The following ATAD2B variants were observed in gnomAD, a reference collection of about 807,000 sequenced individuals.
ATAD2B encodes ATPase family AAA domain-containing protein 2B.
ATAD2B carries 40 observed loss-of-function variants against 167.6 expected under a neutral mutation model. The ratio of observed to expected loss-of-function variants is 0.24; its 90% CI spans 0.19 to 0.31. The LOEUF is 0.31. Among genes scored for constraint, ATAD2B ranks in the 10% least tolerant of loss-of-function variants. The pLI is 1.00. For synonymous variants in ATAD2B, 579 were observed against 596.5 expected, an observed-to-expected ratio of 0.97 and a Z score of 0.43; for missense variants, 1,242 against 1,757.2, an observed-to-expected ratio of 0.71 and a Z score of 5.24.
rs1676136584 is a variant in ATAD2B at position 23,757,875 on chromosome 2, T to G, written c.3621A>C (p.Glu1207Asp). 1.3e-6 allele frequency: 2 copies of G among 1,595,956 alleles called. No individual in the cohort carries two copies. The highest frequency in any genetic ancestry group is 3.6e-5 in the Admixed American group (2 of 55,282). ...CCAAGTCCATGATGTCACAGGATGA[T>G]TCATCATTGGTCATAGATAAGTCTC... is the stretch of plus-strand genomic sequence containing the variant. ...ETGDLSMTND[E>D]SSCDIMDLDQ... The change falls in exon 25 of 28, where the codon GAA (glutamate) becomes GAC (aspartate). Residue 1207 changes from glutamate (E) to aspartate (D), a missense_variant. This residue lies in a region of ATAD2B where 282 missense variants were observed against 346.8 expected (regional missense o/e 0.81). Coordinates refer to ENST00000238789, the MANE Select transcript of ATAD2B (RefSeq NM_017552.4).
At chr2:23,785,456 G>C (rs1437327592) in intron 21 of ATAD2B, among the ~76,000 whole-genome samples, 4 of 151,978 alleles carry the variant, frequency 2.6e-5, no homozygotes, top group African/African-American at 9.7e-5. Flanking sequence ...GCTCCCACAA[G>C]CACACAAAAT....
At chr2:23,834,444 G>T (rs759321848) in intron 13 of ATAD2B, among the ~76,000 whole-genome samples, 1 of 152,048 alleles carries the variant, frequency 6.6e-6, no homozygotes, top group Non-Finnish European at 1.5e-5. Context: ...TTACGGACGT[G>T]AGCCATGGTA....
At chr2:23,898,506 T>C (rs78708878) in intron 1 of ATAD2B, among the ~76,000 whole-genome samples, 1,649 of 152,344 alleles carry the variant, frequency 0.011, 16 homozygotes, top group Non-Finnish European at 0.018. Flanking sequence ...CACGTACTGA[T>C]TGATGTCATA....
intron 18 of ATAD2B, among the ~76,000 whole-genome samples, chr2:23,800,760 A>T (rs1049501471): frequency 1.5e-4 from 17 of 116,418 alleles, no homozygotes; most frequent in African/African-American, 5.0e-4. Flanking sequence ...TGATCCAATT[A>T]AAAAAAAAAT....
Position 23,895,963 on chromosome 2 carries a change from T to A in ATAD2B, c.224A>T (p.Glu75Val). Residue 75 changes from glutamate to valine, a missense_variant, in exon 2 of 28, where the codon GAA becomes GTA. Around this residue, in one of 9 missense-constraint regions of ATAD2B, gnomAD observed 199 missense variants for 194.9 expected, o/e 1.02. Coordinates refer to ENST00000238789, the MANE Select transcript of ATAD2B (RefSeq NM_017552.4). Reference sequence around the variant, plus strand: ...GCTATCACTTAAACTACCATCAACTTCAACTTTCTGAAAGACAATGTTAAA... The same window carrying A: ...GCTATCACTTAAACTACCATCAACTACAACTTTCTGAAAGACAATGTTAAA... ...GVTLDEARKV[E>V]VDGSLSDSHV... is the part of the protein sequence containing the mutation. 1.9e-6 allele frequency: 3 copies of A among 1,611,418 alleles called. No homozygotes were observed. The highest frequency in any genetic ancestry group is 2.5e-6 in the Non-Finnish European group (3 of 1,178,244).
Position 23,788,566 on chromosome 2 carries a change from G to C in ATAD2B, c.2722C>G (p.Gln908Glu). ...GATGCCTGATTGAGAATCAATTCTT[G>C]AAAAAATTTTCTTCTGTCTTCTTCA... Reference protein sequence around the residue: ...PIEEDRRKFFQELILNQASMA... With the variant: ...PIEEDRRKFFEELILNQASMA... The change falls in exon 20 of 28, where the codon CAA becomes GAA. Residue 908 changes from glutamine to glutamate, a missense_variant. Transcript: ENST00000238789. 1 of 1,612,906 alleles carries C rather than the reference G, an allele frequency of 6.2e-7. No homozygotes were observed. Among genetic ancestry groups the C allele is most frequent in the South Asian group, 1.1e-5 (1 of 91,022 alleles).
At chr2:23,870,284 A>C (rs990205963) in intron 8 of ATAD2B, among the ~76,000 whole-genome samples, 1 of 95,944 alleles carries the variant, frequency 1.0e-5, no homozygotes, top group Non-Finnish European at 2.2e-5. Context: ...TCAGTAACCA[A>C]CTTTTTTTTT....
intron 7 of ATAD2B, among the ~76,000 whole-genome samples, chr2:23,877,553 CAGGGGAAGGG>C (rs1697081185): frequency 5.4e-5 from 1 of 18,566 alleles, no homozygotes. Flanking sequence ...GAGGGGAGGG[CAGGGGAAGGG>C]AGGGGAGGGG....
intron 1 of ATAD2B, among the ~76,000 whole-genome samples, chr2:23,897,435 T>A (rs1700282865): frequency 6.6e-6 from 1 of 152,210 alleles, no homozygotes; most frequent in Non-Finnish European, 1.5e-5. Context: ...CCAACCAGCC[T>A]TAGTATTCAT....
At chr2:23,907,733 A>C (rs948403891) in intron 1 of ATAD2B, among the ~76,000 whole-genome samples, 13 of 152,228 alleles carry the variant, frequency 8.5e-5, no homozygotes, top group Admixed American at 3.9e-4. Context: ...ACGTGACTTC[A>C]AACTGTATTA....
intron 8 of ATAD2B, among the ~76,000 whole-genome samples, chr2:23,871,889 T>C (rs1399860977): frequency 6.6e-6 from 1 of 152,188 alleles, no homozygotes; most frequent in Non-Finnish European, 1.5e-5. Flanking sequence ...TGTTTTTCTT[T>C]TTTTTTGAGA....
intron 7 of ATAD2B, among the ~76,000 whole-genome samples, chr2:23,878,025 A>AAAAAAAAAAAAAGAAAAAAG (rs1697243829): frequency 9.4e-6 from 1 of 106,876 alleles, no homozygotes; most frequent in Non-Finnish European, 2.1e-5. Context: ...AAAAAAAAAA[A>AAAAAAAAAAAAAGAAAAAAG]AAAAAAAAAA....
At chr2:23,895,185 A>G (rs1389121163) in intron 2 of ATAD2B, among the ~76,000 whole-genome samples, 1 of 152,136 alleles carries the variant, frequency 6.6e-6, no homozygotes, top group Admixed American at 6.5e-5. Context: ...AAAAATAAAA[A>G]TAAAGACTTG....
intron 12 of ATAD2B, among the ~76,000 whole-genome samples, chr2:23,862,401 GTT>G (rs750865073): frequency 5.0e-5 from 5 of 99,436 alleles, no homozygotes; most frequent in Non-Finnish European, 9.5e-5. Flanking sequence ...ATTTGGACTG[GTT>G]TTTTTTTTTT....
chr2:23,914,629 G>A (rs1702770131), intron 1 of ATAD2B, among the ~76,000 whole-genome samples: 1 of 152,056 alleles, frequency 6.6e-6, no homozygotes, highest in Non-Finnish European at 1.5e-5. Context: ...CATGAGGTCA[G>A]GAGATCGAGA....
At chr2:23,799,587 A>AAG (rs1683159028) in intron 18 of ATAD2B, among the ~76,000 whole-genome samples, 1 of 146,110 alleles carries the variant, frequency 6.8e-6, no homozygotes, top group Non-Finnish European at 1.5e-5. Context: ...AAAAAAAAAA[A>AAG]AAGAAAAGAA....
intron 1 of ATAD2B, among the ~76,000 whole-genome samples, chr2:23,909,197 C>T (rs527538729): frequency 6.6e-6 from 1 of 151,648 alleles, no homozygotes; most frequent in Admixed American, 6.6e-5. Flanking sequence ...GAAATATTAG[C>T]CATCAAGAAA....
chr2:23,774,517 T>C (rs1430438457), intron 22 of ATAD2B, among the ~76,000 whole-genome samples: 1 of 152,236 alleles, frequency 6.6e-6, no homozygotes, highest in Non-Finnish European at 1.5e-5. Context: ...CATATTTATA[T>C]ATTATTAGTA....
intron 15 of ATAD2B, among the ~76,000 whole-genome samples, chr2:23,828,072 GTTTT>G (rs564313058): frequency 1.0e-3 from 151 of 144,588 alleles, no homozygotes; most frequent in African/African-American, 3.7e-3. Context: ...TGAAGATTGG[GTTTT>G]TTTTTTTTTA....
Sources: gnomAD v4.1 joint callset for allele counts (sites outside exome capture counted in the v4.1 genomes callset) on GRCh38, gnomAD v4.1.1 for gene constraint, gnomAD v4.1.1 regional missense constraint, MANE v1.5 for transcripts, NCBI Gene and HGNC (gene_info 2026-07-23, HGNC 2026-07-21) for gene names.